The following PLSCR4 variants were observed in gnomAD, a reference collection of about 807,000 sequenced individuals.
The protein encoded by PLSCR4 is Ca(2+)-dependent phospholipid scramblase 4.
PLSCR4 carries 25 observed loss-of-function variants against 36.3 expected under a neutral mutation model. That is an observed-to-expected ratio of 0.69 (90% confidence interval 0.50 to 0.96). The LOEUF (loss-of-function observed/expected upper bound fraction) is 0.96. PLSCR4 is among the 40% of genes least tolerant of loss of function. PLSCR4 has a pLI of 0.00. For missense variants in PLSCR4, 408 were observed against 414.7 expected (o/e 0.98, Z 0.14); for synonymous variants, 122 against 132.9 (o/e 0.92, Z 0.56).
rs566301056 is a variant in PLSCR4 at position 146,202,898 on chromosome 3, C to T, written c.355-1821G>A. 5.3e-5 allele frequency among the ~76,000 whole-genome samples: 8 copies of T among 152,168 alleles called. No individual in the cohort carries two copies. The South Asian group carries it at 1.7e-3, about 32-fold the overall frequency. On this transcript the variant is annotated intron_variant, in intron 4 of 8. Transcript: ENST00000354952. ...AAGTGCTCATCTGTTAAAGTTGTAT[C>T]ATGAGTTACAGTAATTCAGTCACAT...
intron 1 of PLSCR4, among the ~76,000 whole-genome samples, chr3:146,231,692 AT>A (rs371892079): frequency 0.017 from 2,557 of 152,108 alleles, 78 homozygotes; most frequent in African/African-American, 0.058. Flanking sequence ...ACCTTTGCCC[AT>A]TTTTTAATGG....
At chr3:146,246,222 C>A (rs990212103) in intron 1 of PLSCR4, among the ~76,000 whole-genome samples, 1 of 152,040 alleles carries the variant, frequency 6.6e-6, no homozygotes, top group African/African-American at 2.4e-5. Context: ...TTAATTGTAT[C>A]TTTGCATAAA....
intron 8 of PLSCR4, among the ~76,000 whole-genome samples, chr3:146,194,878 C>T (rs535162641): frequency 1.4e-4 from 22 of 152,266 alleles, no homozygotes; most frequent in African/African-American, 5.1e-4. Flanking sequence ...TATCTAAGTA[C>T]TCCCCTGGTC....
At chr3:146,226,063 G>A (rs904415359) in intron 1 of PLSCR4, among the ~76,000 whole-genome samples, 41 of 152,182 alleles carry the variant, frequency 2.7e-4, no homozygotes, top group African/African-American at 8.7e-4. Context: ...ATAGAGGAAA[G>A]CTTTAAAGAA....
At chr3:146,227,618 T>C (rs1222159106) in intron 1 of PLSCR4, among the ~76,000 whole-genome samples, 1 of 151,988 alleles carries the variant, frequency 6.6e-6, no homozygotes, top group Admixed American at 6.5e-5. Flanking sequence ...CAGGATTAGC[T>C]CTTAGAGTAG....
At chr3:146,226,238 A>G (rs2035470506) in intron 1 of PLSCR4, among the ~76,000 whole-genome samples, 1 of 152,222 alleles carries the variant, frequency 6.6e-6, no homozygotes, top group South Asian at 2.1e-4. Flanking sequence ...ATTAGTTTTT[A>G]AAAGGTATGT....
chr3:146,242,293 G>A (rs1422049682), intron 1 of PLSCR4, among the ~76,000 whole-genome samples: 1 of 152,136 alleles, frequency 6.6e-6, no homozygotes, highest in Non-Finnish European at 1.5e-5. Context: ...TTTGCCTAAA[G>A]TTTTTCTTTT....
At chr3:146,240,879 C>T (rs2036123385) in intron 1 of PLSCR4, among the ~76,000 whole-genome samples, 1 of 152,120 alleles carries the variant, frequency 6.6e-6, no homozygotes, top group Non-Finnish European at 1.5e-5. Flanking sequence ...TAAATGCCTT[C>T]ACAAAAACAT....
In PLSCR4 at chr3:146,197,896, G is replaced by C. The variant is rs1225254241; in HGVS notation, c.625-1103C>G. The stretch of plus-strand genomic sequence containing the variant: ...CACCTATATACAAATATATAAATTT[G>C]AGAGTATCATAGAGCTCTCATATAA... On this transcript the variant is annotated intron_variant, in intron 6 of 8. Transcript: ENST00000354952. 2.0e-5 allele frequency among the ~76,000 whole-genome samples: 3 copies of C among 152,042 alleles called. No individual in the cohort carries two copies. In the East Asian group the frequency reaches 5.8e-4, roughly 29 times the overall value.
At chr3:146,234,909 T>C (rs769202054) in intron 1 of PLSCR4, among the ~76,000 whole-genome samples, 46 of 152,248 alleles carry the variant, frequency 3.0e-4, no homozygotes, top group Non-Finnish European at 6.0e-4. Flanking sequence ...GGCAAAGACT[T>C]TGAATATTAA....
intron 1 of PLSCR4, among the ~76,000 whole-genome samples, chr3:146,228,813 A>G (rs570614783): frequency 1.3e-5 from 2 of 152,282 alleles, no homozygotes; most frequent in African/African-American, 4.8e-5. Flanking sequence ...CTGAACTAAT[A>G]TATGTGTAAG....
chr3:146,222,938 A>T lies in PLSCR4; in HGVS notation c.-21-846T>A, dbSNP rs147432632. Reference sequence around the variant, plus strand: ...ACGGTTTGGAAGCAGGGCCTCCAGGAGTCGCTGATGGACTAAGGTAAAGAG... The same window carrying T: ...ACGGTTTGGAAGCAGGGCCTCCAGGTGTCGCTGATGGACTAAGGTAAAGAG... On this transcript the variant is annotated intron_variant, in intron 1 of 8. Coordinates refer to ENST00000354952, the MANE Select transcript of PLSCR4 (RefSeq NM_020353.3). Among the ~76,000 whole-genome samples the T allele has an allele frequency of 5.3e-5, 8 of 152,192 alleles. No individual in the cohort carries two copies. In the East Asian group the frequency reaches 5.8e-4, roughly 11 times the overall value.
At chr3:146,207,954 A>G (rs2034422685) in intron 3 of PLSCR4, among the ~76,000 whole-genome samples, 1 of 152,148 alleles carries the variant, frequency 6.6e-6, no homozygotes, top group South Asian at 2.1e-4. Context: ...TGCAACCAAA[A>G]AAGAGCCTGC....
intron 1 of PLSCR4, among the ~76,000 whole-genome samples, chr3:146,245,826 C>A (rs2036316983): frequency 6.6e-6 from 1 of 152,036 alleles, no homozygotes; most frequent in Non-Finnish European, 1.5e-5. Context: ...GAATCTGTAA[C>A]TAAAAAGACC....
intron 1 of PLSCR4, among the ~76,000 whole-genome samples, chr3:146,237,299 C>T (rs1347093631): frequency 2.0e-5 from 3 of 152,012 alleles, no homozygotes; most frequent in Non-Finnish European, 2.9e-5. Flanking sequence ...TACTTATGTG[C>T]ACATCACAAT....
At chr3:146,200,732 C>CG (rs1300715777) in intron 5 of PLSCR4, among the ~76,000 whole-genome samples, 3 of 151,894 alleles carry the variant, frequency 2.0e-5, no homozygotes, top group Non-Finnish European at 4.4e-5. Flanking sequence ...CTCTTGGCTC[C>CG]TTTTTTTACT....
chr3:146,228,713 A>C (rs2035578636), intron 1 of PLSCR4, among the ~76,000 whole-genome samples: 1 of 83,294 alleles, frequency 1.2e-5, no homozygotes, highest in Non-Finnish European at 2.9e-5. Flanking sequence ...TCATTCTATC[A>C]ACATATAAAT....
intron 1 of PLSCR4, among the ~76,000 whole-genome samples, chr3:146,243,163 A>G (rs2036215342): frequency 6.6e-6 from 1 of 152,158 alleles, no homozygotes; most frequent in African/African-American, 2.4e-5. Context: ...TGCTTCTTCC[A>G]TGGGGATCTC....
rs756473618 is a variant in PLSCR4, at chr3:146,206,554, C to A, written c.326G>T (p.Cys109Phe). The part of the protein sequence containing the change: ...WMPGPTPMAN[C>F]PPGLEYLVQL... The stretch of plus-strand genomic sequence containing the variant: ...AACTAAGTATTCCAGACCAGGAGGG[C>A]AGTTTGCCATAGGAGTTGGCCCTGG... Residue 109 changes from cysteine to phenylalanine, a missense_variant, in exon 4 of 9, where the codon TGC becomes TTC. Transcript: ENST00000354952. The A allele has an allele frequency of 2.5e-6, 4 of 1,612,578 alleles. No homozygotes were observed. The African/African-American group carries it at 5.3e-5, about 22-fold the overall frequency.
Sources: gnomAD v4.1 joint callset for allele counts (sites outside exome capture counted in the v4.1 genomes callset) on GRCh38, gnomAD v4.1.1 for gene constraint, MANE v1.5 for transcripts, NCBI Gene and HGNC (gene_info 2026-07-23, HGNC 2026-07-21) for gene names.